Variants in SPOCK1 observed in about 807,000 individuals in gnomAD.
The protein encoded by SPOCK1 is testican-1.
In SPOCK1, 23 loss-of-function variants were observed where a neutral mutation model predicts 55.3. That is an observed-to-expected ratio of 0.42 (90% confidence interval 0.30 to 0.59). SPOCK1 has a LOEUF of 0.59. Among genes scored for constraint, SPOCK1 ranks in the 20% least tolerant of loss-of-function variants. The probability of loss-of-function intolerance (pLI) is 0.22; values close to 1 mark genes in which losing one functional copy is unlikely to be tolerated. For synonymous variants in SPOCK1, 226 were observed against 221.0 expected (o/e 1.02, Z -0.20); for missense variants, 499 against 552.5 (o/e 0.90, Z 0.97).
chr5:137,473,656 T>A (rs977235538), intron 2 of SPOCK1, among the ~76,000 whole-genome samples: 1 of 152,180 alleles, frequency 6.6e-6, no homozygotes, highest in South Asian at 2.1e-4. Flanking sequence ...AACCTAATCG[T>A]ATATTAACAT....
At chr5:137,343,574 A>G (rs1301604764) in intron 2 of SPOCK1, among the ~76,000 whole-genome samples, 2 of 152,208 alleles carry the variant, frequency 1.3e-5, no homozygotes, top group African/African-American at 2.4e-5. Flanking sequence ...TCTAGCAACC[A>G]TCACAGCCAC....
At chr5:137,140,486 C>T in intron 4 of SPOCK1, 94 bp downstream of exon 4, 1 of 1,010,770 alleles carries the variant, frequency 9.9e-7, no homozygotes, top group Non-Finnish European at 1.5e-6. Context: ...TATGCTCTCC[C>T]CTCCCCATAT....
At chr5:137,333,048 G>A (rs1479212772) in intron 2 of SPOCK1, among the ~76,000 whole-genome samples, 1 of 152,184 alleles carries the variant, frequency 6.6e-6, no homozygotes, top group Non-Finnish European at 1.5e-5. Flanking sequence ...CACCTGGGGT[G>A]TTGGTCAACT....
intron 3 of SPOCK1, among the ~76,000 whole-genome samples, chr5:137,249,306 T>C (rs1756462364): frequency 1.3e-5 from 2 of 152,218 alleles, no homozygotes; most frequent in African/African-American, 4.8e-5. Flanking sequence ...TACAGCATAT[T>C]GAATGAACTA....
At chr5:137,069,124 G>A (rs73790683) in intron 5 of SPOCK1, among the ~76,000 whole-genome samples, 1,562 of 152,336 alleles carry the variant, frequency 0.01, 33 homozygotes, top group African/African-American at 0.036. Context: ...ACACACGAGT[G>A]CAGATAAATA....
rs150733262 is a variant in SPOCK1, at chr5:137,316,484, C to T, written c.187-49429G>A. Among the ~76,000 whole-genome samples, 748 of 152,344 alleles carry T rather than the reference C, an allele frequency of 4.9e-3. 10 individuals carry two copies. Among genetic ancestry groups the T allele is most frequent in the Middle Eastern group, 0.017 (5 of 294 alleles). On this transcript the variant is annotated intron_variant, in intron 2 of 10. Coordinates refer to ENST00000394945, the MANE Select transcript of SPOCK1 (RefSeq NM_004598.4). Reference sequence around the variant, plus strand: ...GATTCAAGGAATTCGAGCAAAGTTTCAGCCCTGAAGAGCTAAAGGCTGAGA... The same window carrying T: ...GATTCAAGGAATTCGAGCAAAGTTTTAGCCCTGAAGAGCTAAAGGCTGAGA...
intron 3 of SPOCK1, among the ~76,000 whole-genome samples, chr5:137,200,229 C>G (rs1295077701): frequency 6.6e-6 from 1 of 152,218 alleles, no homozygotes; most frequent in African/African-American, 2.4e-5. Context: ...CAGATGCACC[C>G]TTTTGGGCCT....
At chr5:137,298,938 T>A (rs567299980) in intron 2 of SPOCK1, among the ~76,000 whole-genome samples, 10 of 152,278 alleles carry the variant, frequency 6.6e-5, no homozygotes, top group Admixed American at 6.5e-4. Flanking sequence ...TTCAATCCAG[T>A]CTGACAATTT....
chr5:137,287,364 C>G (rs1051054446), intron 2 of SPOCK1, among the ~76,000 whole-genome samples: 1 of 152,240 alleles, frequency 6.6e-6, no homozygotes, highest in Non-Finnish European at 1.5e-5. Context: ...CGCCTCCACA[C>G]AGAGGCATGC....
intron 2 of SPOCK1, among the ~76,000 whole-genome samples, chr5:137,381,192 A>G (rs1013136366): frequency 1.6e-4 from 24 of 152,170 alleles, no homozygotes; most frequent in Non-Finnish European, 4.4e-5. Context: ...TCCAGGCCAC[A>G]CTGATTCAAA....
intron 2 of SPOCK1, among the ~76,000 whole-genome samples, chr5:137,329,777 C>T (rs979051270): frequency 2.0e-5 from 3 of 152,166 alleles, no homozygotes; most frequent in Admixed American, 1.3e-4. Flanking sequence ...AGTGCAAGCT[C>T]GAGAAGCCAT....
At chr5:137,253,117 C>T (rs1024897243) in intron 3 of SPOCK1, among the ~76,000 whole-genome samples, 26 of 152,210 alleles carry the variant, frequency 1.7e-4, no homozygotes, top group African/African-American at 4.3e-4. Context: ...CATTTGGAAA[C>T]GTATGTCCGC....
At chr5:137,295,942 C>T (rs1757470712) in intron 2 of SPOCK1, among the ~76,000 whole-genome samples, 1 of 152,076 alleles carries the variant, frequency 6.6e-6, no homozygotes. Flanking sequence ...GTTTGTGTCT[C>T]CCCCAGATTT....
At chr5:137,455,487 T>C (rs967918848) in intron 2 of SPOCK1, among the ~76,000 whole-genome samples, 3 of 152,168 alleles carry the variant, frequency 2.0e-5, no homozygotes, top group Admixed American at 2.0e-4. Context: ...ATGAGAAGAA[T>C]AGCTGCTTCT....
At chr5:137,228,568 A>T (rs1188491403) in intron 3 of SPOCK1, among the ~76,000 whole-genome samples, 8 of 152,172 alleles carry the variant, frequency 5.3e-5, no homozygotes. Context: ...ACTTGAACCC[A>T]GAAGGCCAAG....
At chr5:137,350,086 T>G (rs1750646895) in intron 2 of SPOCK1, among the ~76,000 whole-genome samples, 1 of 152,072 alleles carries the variant, frequency 6.6e-6, no homozygotes, top group Non-Finnish European at 1.5e-5. Context: ...AAGAGACATG[T>G]TCCTCTAGCA....
At chr5:137,052,874 T>C (rs1752231178) in intron 6 of SPOCK1, among the ~76,000 whole-genome samples, 1 of 152,160 alleles carries the variant, frequency 6.6e-6, no homozygotes, top group Non-Finnish European at 1.5e-5. Context: ...TAAATATGTA[T>C]AACTCCTATT....
intron 4 of SPOCK1, among the ~76,000 whole-genome samples, chr5:137,132,342 ATC>A (rs985835151): frequency 6.6e-6 from 1 of 152,102 alleles, no homozygotes. Flanking sequence ...GCCCAGCAAG[ATC>A]TGATCCCTAA....
chr5:137,268,580 T>C (rs1195125725), intron 2 of SPOCK1, among the ~76,000 whole-genome samples: 1 of 152,192 alleles, frequency 6.6e-6, no homozygotes, highest in Non-Finnish European at 1.5e-5. Flanking sequence ...AAAAGTTGGA[T>C]GGCAGATAGG....
Sources: gnomAD v4.1 joint callset for allele counts (sites outside exome capture counted in the v4.1 genomes callset) on GRCh38, gnomAD v4.1.1 for gene constraint, MANE v1.5 for transcripts, NCBI Gene and HGNC (gene_info 2026-07-23, HGNC 2026-07-21) for gene names.